Variants in CSMD1 observed in about 807,000 individuals in gnomAD.
CSMD1 encodes CUB and Sushi multiple domains 1.
Under a neutral mutation model 417.5 loss-of-function variants are expected in CSMD1, and 213 were observed. The observed-to-expected ratio is 0.51, with a 90% CI of 0.46 to 0.57. CSMD1 has a LOEUF of 0.57. Ranked by LOEUF, CSMD1 falls within the 20% of genes least tolerant of loss-of-function variation. The pLI, the probability that CSMD1 is intolerant of heterozygous loss-of-function variation, is 0.00. For missense variants in CSMD1, 6,923 were observed against 4,529.7 expected (o/e 1.53, Z -15.17); for synonymous variants, 2,862 against 1,736.8 (o/e 1.65, Z -16.11).
chr8:4,879,266 A>G (rs939915495), intron 1 of CSMD1, among the ~76,000 whole-genome samples: 1 of 152,000 alleles, frequency 6.6e-6, no homozygotes, highest in Non-Finnish European at 1.5e-5. Context: ...CGGAAATGGA[A>G]TAGGGGAGAT....
Position 2,965,759 on chromosome 8 carries a change from G to C in CSMD1, c.9280+16C>G, listed in dbSNP as rs1164406632. Reference sequence around the variant, plus strand: ...TCTATACACATCTGTAAAATCCAAAGAGTCACCAAACAAACCTTTGCAGAC... The same window carrying C: ...TCTATACACATCTGTAAAATCCAAACAGTCACCAAACAAACCTTTGCAGAC... On this transcript the variant is annotated intron_variant, in intron 59 of 69. Coordinates refer to ENST00000635120, the MANE Select transcript of CSMD1 (RefSeq NM_033225.6). 2.5e-6 allele frequency: 4 copies of C among 1,587,822 alleles called. No homozygotes were observed. The highest frequency in any genetic ancestry group is 1.7e-6 in the Non-Finnish European group (2 of 1,165,350).
chr8:3,301,547 G>A (rs1419122038), intron 25 of CSMD1, among the ~76,000 whole-genome samples: 1 of 152,184 alleles, frequency 6.6e-6, no homozygotes, highest in Non-Finnish European at 1.5e-5. Flanking sequence ...AGCCCTAAGA[G>A]ATGGGAAGAA....
intron 3 of CSMD1, among the ~76,000 whole-genome samples, chr8:4,381,206 C>T (rs901098199): frequency 7.9e-5 from 12 of 152,066 alleles, no homozygotes; most frequent in African/African-American, 2.9e-4. Flanking sequence ...AAATTTGCTG[C>T]ACGGATTTAA....
At chr8:4,151,043 C>T (rs539269728) in intron 3 of CSMD1, among the ~76,000 whole-genome samples, 48 of 152,170 alleles carry the variant, frequency 3.2e-4, no homozygotes, top group African/African-American at 1.1e-3. Context: ...CGTAATAAAA[C>T]GGTTGAGGAG....
intron 7 of CSMD1, among the ~76,000 whole-genome samples, chr8:3,660,339 G>C (rs1031915419): frequency 6.6e-6 from 1 of 152,082 alleles, no homozygotes; most frequent in South Asian, 2.1e-4. Context: ...TTATTGACAG[G>C]ACTGAAAGTA....
chr8:3,807,181 T>C (rs1415599522), intron 5 of CSMD1, among the ~76,000 whole-genome samples: 1 of 152,178 alleles, frequency 6.6e-6, no homozygotes, highest in Admixed American at 6.5e-5. Context: ...TCTTGTGACC[T>C]TCTAAAATGG....
intron 5 of CSMD1, among the ~76,000 whole-genome samples, chr8:3,854,898 C>T (rs1426479023): frequency 1.3e-5 from 2 of 152,098 alleles, no homozygotes; most frequent in Non-Finnish European, 2.9e-5. Flanking sequence ...CATTACAATT[C>T]ACTCGCAAAG....
intron 1 of CSMD1, among the ~76,000 whole-genome samples, chr8:4,772,523 G>A (rs969858977): frequency 1.3e-5 from 2 of 152,048 alleles, no homozygotes; most frequent in South Asian, 2.1e-4. Flanking sequence ...ATTACAGCAT[G>A]GATATTTTGA....
intron 3 of CSMD1, among the ~76,000 whole-genome samples, chr8:4,068,440 T>C (rs537162751): frequency 6.6e-6 from 1 of 152,322 alleles, no homozygotes; most frequent in Non-Finnish European, 1.5e-5. Context: ...GAAAATTAAA[T>C]GTATATTTTT....
chr8:3,913,695 G>A (rs909964631), intron 5 of CSMD1, among the ~76,000 whole-genome samples: 14 of 152,154 alleles, frequency 9.2e-5, no homozygotes, highest in African/African-American at 2.4e-5. Context: ...AAACTTTCAG[G>A]AAGTTTAGAT....
At chr8:3,855,106 G>C (rs151328135) in intron 5 of CSMD1, among the ~76,000 whole-genome samples, 3,893 of 152,138 alleles carry the variant, frequency 0.026, 64 homozygotes, top group Middle Eastern at 0.068. Flanking sequence ...TACTCTTGAA[G>C]CTATGGTTTT....
intron 2 of CSMD1, among the ~76,000 whole-genome samples, chr8:4,517,428 G>C (rs888219856): frequency 6.6e-6 from 1 of 152,148 alleles, no homozygotes; most frequent in African/African-American, 2.4e-5. Context: ...AGATAATAAA[G>C]AAGAGTCTGT....
intron 2 of CSMD1, among the ~76,000 whole-genome samples, chr8:4,635,906 A>C (rs2617001): frequency 6.6e-6 from 1 of 151,874 alleles, no homozygotes; most frequent in Non-Finnish European, 1.5e-5. Flanking sequence ...TGAAAGGTAA[A>C]CATGCTACTA....
chr8:3,926,455 G>A (rs1009235242), intron 5 of CSMD1, among the ~76,000 whole-genome samples: 4 of 149,582 alleles, frequency 2.7e-5, no homozygotes, highest in African/African-American at 9.7e-5. Flanking sequence ...AATATTTGTT[G>A]AATGAGTGAA....
intron 3 of CSMD1, among the ~76,000 whole-genome samples, chr8:4,186,231 G>A (rs1033974511): frequency 1.3e-5 from 2 of 152,132 alleles, no homozygotes; most frequent in Non-Finnish European, 2.9e-5. Flanking sequence ...CGGCCAAACT[G>A]TGTTGCCATA....
intron 20 of CSMD1, among the ~76,000 whole-genome samples, chr8:3,362,098 A>G (rs1230826200): frequency 6.6e-6 from 1 of 152,086 alleles, no homozygotes; most frequent in East Asian, 1.9e-4. Context: ...TCTTATTTCC[A>G]TCAAGATAAA....
intron 12 of CSMD1, among the ~76,000 whole-genome samples, chr8:3,450,597 G>C (rs561586152): frequency 6.6e-6 from 1 of 151,446 alleles, no homozygotes; most frequent in East Asian, 1.9e-4. Flanking sequence ...AGTTTCCTGA[G>C]AATCATGGTT....
intron 25 of CSMD1, among the ~76,000 whole-genome samples, chr8:3,290,159 G>C (rs1803443154): frequency 6.8e-6 from 1 of 146,674 alleles, no homozygotes; most frequent in South Asian, 2.1e-4. Flanking sequence ...TTATTTCTGA[G>C]GGCTCTGTTC....
intron 49 of CSMD1, among the ~76,000 whole-genome samples, chr8:3,066,709 G>C (rs997209447): frequency 6.6e-6 from 1 of 152,142 alleles, no homozygotes; most frequent in Non-Finnish European, 1.5e-5. Context: ...CTGAAGGCTG[G>C]TCATAAGGGA....
Sources: allele counts gnomAD v4.1 joint callset (sites outside exome capture counted in the v4.1 genomes callset), GRCh38; gene constraint gnomAD v4.1.1; transcripts MANE v1.5; gene names NCBI Gene and HGNC (gene_info 2026-07-23, HGNC 2026-07-21).